USP40: variants seen among roughly 807,000 people sequenced by gnomAD.
USP40 encodes ubiquitin carboxyl-terminal hydrolase 40.
Under a neutral mutation model 166.2 loss-of-function variants are expected in USP40, and 143 were observed. That is an observed-to-expected ratio of 0.86 (90% CI 0.75 to 0.99). The LOEUF is 0.99. Ranked by LOEUF, USP40 falls within the 50% of genes least tolerant of loss-of-function variation. The probability of loss-of-function intolerance (pLI) is 0.00; values close to 1 mark genes in which losing one functional copy is unlikely to be tolerated. For missense variants in USP40, 1,444 were observed against 1,479.7 expected (o/e 0.98, Z 0.40); for synonymous variants, 498 against 524.0 (o/e 0.95, Z 0.68).
chr2:233,497,729 T>A (rs1396151515), intron 23 of USP40, among the ~76,000 whole-genome samples: 1 of 152,190 alleles, frequency 6.6e-6, no homozygotes, highest in East Asian at 1.9e-4. Flanking sequence ...AAATTTTATG[T>A]CCTAAAGATG....
At chr2:233,521,503 C>T (rs1389118979) in intron 16 of USP40, among the ~76,000 whole-genome samples, 1 of 152,188 alleles carries the variant, frequency 6.6e-6, no homozygotes, top group Non-Finnish European at 1.5e-5. Flanking sequence ...TAGACTGACA[C>T]TGCACAAAAG....
At chr2:233,531,276 A>G (rs1464367084) in intron 11 of USP40, among the ~76,000 whole-genome samples, 1 of 152,140 alleles carries the variant, frequency 6.6e-6, no homozygotes, top group Non-Finnish European at 1.5e-5. Context: ...AACTTTATAA[A>G]TATGTTTTTA....
chr2:233,475,841 G>C lies in USP40; in HGVS notation c.*1551C>G. The C allele has an allele frequency of 6.6e-6, 1 of 152,430 alleles. No individual in the cohort carries two copies. The allele number at this position is 152,430 out of a possible 1,614,324, so 9.4% of individuals were successfully genotyped here. On this transcript the variant is annotated 3_prime_UTR_variant, in exon 32 of 32. Transcript: ENST00000678225. ...TATGTCAGTTAAAGCCACAGAAACA[G>C]AACAGCTTAAGAAGGGCTGGGCGCC... is the stretch of plus-strand genomic sequence containing the variant.
intron 3 of USP40, chr2:233,561,131 A>G (rs1361763384): frequency 6.4e-7 from 1 of 1,560,990 alleles, no homozygotes; most frequent in Non-Finnish European, 8.7e-7. Flanking sequence ...AATACGCTAA[A>G]ACACCCCAGT....
In USP40 at chr2:233,565,474, T is replaced by C. The variant is rs2125418463; in HGVS notation, c.81A>G (p.Lys27=). The change falls in exon 2 of 32, where the codon AAA becomes AAG. Residue 27 remains lysine, a synonymous_variant. Transcript: ENST00000678225. ...CTCTAGGAGCAGGTGGCTCCAAAGCTTTAGTCTTTAATTTCTTCCCTTTTC... is the reference window on the plus strand; with the variant it reads ...CTCTAGGAGCAGGTGGCTCCAAAGCCTTAGTCTTTAATTTCTTCCCTTTTC... ...QYGKGKKLKT[K]ALEPPAPREF... is the part of the protein sequence containing the mutation. 2 of 1,537,292 alleles carry C rather than the reference T, an allele frequency of 1.3e-6. No homozygotes were observed. Among genetic ancestry groups the C allele is most frequent in the East Asian group, 2.4e-5 (1 of 41,038 alleles).
rs2071774136 is a variant in USP40, at chr2:233,562,821, A to G, written c.200-18T>C. The G allele has an allele frequency of 6.6e-7, 1 of 1,505,650 alleles. No individual in the cohort carries two copies. The highest frequency in any genetic ancestry group is 1.3e-5 in the South Asian group (1 of 76,702). 93.3% of individuals were successfully genotyped at this position (1,505,650 alleles called of 1,614,324 possible). On this transcript the variant is annotated intron_variant, in intron 2 of 31. Transcript: ENST00000678225. Reference sequence around the variant, plus strand: ...TAGAGCTTCTAAAGAAAAAGGTAGAATCAGAGATGCAAATGACATCATTTC... The same window carrying G: ...TAGAGCTTCTAAAGAAAAAGGTAGAGTCAGAGATGCAAATGACATCATTTC...
chr2:233,525,734 T>G (rs1263864122), intron 13 of USP40, among the ~76,000 whole-genome samples, 172 bp from the exon 14 acceptor site: 1 of 152,148 alleles, frequency 6.6e-6, no homozygotes, highest in African/African-American at 2.4e-5. Flanking sequence ...CTTGTTAAAT[T>G]AGTCAAAGCC....
At chr2:233,485,014 GTA>G (rs2064855788) in intron 30 of USP40, among the ~76,000 whole-genome samples, 1 of 152,098 alleles carries the variant, frequency 6.6e-6, no homozygotes. Flanking sequence ...GAGGTTTTGG[GTA>G]TATGTGCATC....
intron 10 of USP40, among the ~76,000 whole-genome samples, chr2:233,537,265 T>C (rs2069007080): frequency 6.6e-6 from 1 of 152,222 alleles, no homozygotes; most frequent in South Asian, 2.1e-4. Context: ...TACTATGCCA[T>C]TTCATGAAAG....
At chr2:233,542,855 T>A (rs2069552632) in intron 8 of USP40, among the ~76,000 whole-genome samples, 1 of 152,224 alleles carries the variant, frequency 6.6e-6, no homozygotes, top group Non-Finnish European at 1.5e-5. Context: ...CAAGTAAACC[T>A]TCTAGCACAA....
intron 22 of USP40, among the ~76,000 whole-genome samples, chr2:233,498,949 G>C (rs559266605): frequency 1.3e-5 from 2 of 152,226 alleles, no homozygotes. Context: ...AAATTGAAAG[G>C]AATCAGTGGA....
At chr2:233,549,267 C>A in intron 7 of USP40, 38 bp from the exon 8 acceptor site, 1 of 1,184,758 alleles carries the variant, frequency 8.4e-7, no homozygotes, top group African/African-American at 1.5e-5. Context: ...ATATAGTTTT[C>A]ATAAAATGCT....
chr2:233,509,838 T>TAAAA (rs746629187), intron 21 of USP40, among the ~76,000 whole-genome samples: 1 of 80,792 alleles, frequency 1.2e-5, no homozygotes, highest in Non-Finnish European at 2.5e-5. Flanking sequence ...TGAGACTCTC[T>TAAAA]AAAAAAAAAA....
intron 4 of USP40, among the ~76,000 whole-genome samples, chr2:233,558,383 A>C (rs1575347938): frequency 2.6e-5 from 4 of 152,120 alleles, no homozygotes; most frequent in African/African-American, 7.2e-5. Context: ...AAAAAAAAAA[A>C]CAAAAAACAT....
At chr2:233,517,694 G>C (rs1361618120) in intron 18 of USP40, among the ~76,000 whole-genome samples, 1 of 151,934 alleles carries the variant, frequency 6.6e-6, no homozygotes, top group Non-Finnish European at 1.5e-5. Flanking sequence ...GCCTGCACAT[G>C]CATGTTTATA....
intron 5 of USP40, among the ~76,000 whole-genome samples, chr2:233,554,917 C>G (rs1453559332): frequency 6.6e-6 from 1 of 152,088 alleles, no homozygotes; most frequent in African/African-American, 2.4e-5. Context: ...AATGTAAACT[C>G]CATTTCTTTA....
At position 233,557,124 on chromosome 2, in the gene USP40, T is replaced by C. The variant is rs78075797; in HGVS notation, c.382-105A>G. 5.5e-3 allele frequency: 5,639 copies of C among 1,026,808 alleles called. 121 individuals carry two copies. The East Asian group carries it at 0.059, about 11-fold the overall frequency. 63.6% of individuals were successfully genotyped at this position (1,026,808 alleles called of 1,614,324 possible). ...AAAACTCAAGATTTATCAAGCAATC[T>C]GAAGATCAGATATAAGAATGACTCA... is the stretch of plus-strand genomic sequence containing the variant. On this transcript the variant is annotated intron_variant, in intron 4 of 31. Transcript: ENST00000678225.
At chr2:233,536,763 A>G (rs1037586056) in intron 10 of USP40, among the ~76,000 whole-genome samples, 1 of 152,390 alleles carries the variant, frequency 6.6e-6, no homozygotes, top group Admixed American at 6.5e-5. Context: ...CCACAGATTC[A>G]ACCAACCATG....
intron 1 of USP40, among the ~76,000 whole-genome samples, 193 bp downstream of exon 1, chr2:233,566,491 C>T (rs2072171205): frequency 6.6e-6 from 1 of 152,268 alleles, no homozygotes; most frequent in African/African-American, 2.4e-5. Flanking sequence ...CCCTCCAAGC[C>T]ACCACAGGCC....
Sources: allele counts gnomAD v4.1 joint callset (sites outside exome capture counted in the v4.1 genomes callset), GRCh38; gene constraint gnomAD v4.1.1; transcripts MANE v1.5; gene names NCBI Gene and HGNC (gene_info 2026-07-23, HGNC 2026-07-21).